Variants in NEDD4L observed in about 807,000 individuals in gnomAD.
NEDD4L encodes E3 ubiquitin-protein ligase NEDD4-like.
Under a neutral mutation model 148.9 loss-of-function variants are expected in NEDD4L, and 54 were observed. The observed-to-expected ratio is 0.36, with a 90% CI of 0.29 to 0.45. NEDD4L has a LOEUF of 0.45. Among genes scored for constraint, NEDD4L ranks in the 20% least tolerant of loss-of-function variants. The pLI is 1.00. For synonymous variants in NEDD4L, 433 were observed against 440.7 expected (o/e 0.98, Z 0.22); for missense variants, 856 against 1,233.8 (o/e 0.69, Z 4.59).
intron 5 of NEDD4L, among the ~76,000 whole-genome samples, chr18:58,294,420 T>C (rs1254530854): frequency 6.6e-6 from 1 of 152,176 alleles, no homozygotes; most frequent in Non-Finnish European, 1.5e-5. Context: ...TTTTATTCTT[T>C]AACCAAGCAG....
chr18:58,274,100 T>C (rs2051493510), intron 5 of NEDD4L, among the ~76,000 whole-genome samples: 1 of 152,014 alleles, frequency 6.6e-6, no homozygotes, highest in Non-Finnish European at 1.5e-5. Context: ...CTAAAGGCCC[T>C]GAAGTGAGCC....
At chr18:58,047,145 G>T (rs551574841) in intron 1 of NEDD4L, 3 of 603,714 alleles carry the variant, frequency 5.0e-6, no homozygotes, top group Non-Finnish European at 6.2e-6. Context: ...CAAACGGCAG[G>T]GTTGTTCTTC....
chr18:58,126,850 C>T (rs1598961642), intron 1 of NEDD4L, among the ~76,000 whole-genome samples: 1 of 152,226 alleles, frequency 6.6e-6, no homozygotes, highest in Admixed American at 6.5e-5. Flanking sequence ...TTGCACCCCC[C>T]AGGAATGTCA....
intron 1 of NEDD4L, among the ~76,000 whole-genome samples, chr18:58,080,799 C>T (rs2083390606): frequency 6.6e-6 from 1 of 152,152 alleles, no homozygotes. Context: ...GGGAGCTGCC[C>T]CAGGACAACT....
At chr18:58,182,790 G>C (rs971001568) in intron 2 of NEDD4L, among the ~76,000 whole-genome samples, 2 of 152,054 alleles carry the variant, frequency 1.3e-5, no homozygotes, top group African/African-American at 4.8e-5. Context: ...CCTGTGCCTT[G>C]GTTTCTCAGA....
chr18:58,184,060 T>G (rs1283430345), intron 2 of NEDD4L, among the ~76,000 whole-genome samples: 1 of 152,086 alleles, frequency 6.6e-6, no homozygotes, highest in Non-Finnish European at 1.5e-5. Flanking sequence ...TCCCAGCTAC[T>G]CAGGAGGCTG....
At chr18:58,245,674 C>CTTTTTTT (rs57282316) in intron 3 of NEDD4L, among the ~76,000 whole-genome samples, 166 bp downstream of exon 3, 52 of 89,258 alleles carry the variant, frequency 5.8e-4, no homozygotes, top group African/African-American at 7.0e-4. Flanking sequence ...CACTTTTTCT[C>CTTTTTTT]TTTTTTTTTT....
chr18:58,096,556 A>G (rs1013989889), intron 1 of NEDD4L, among the ~76,000 whole-genome samples: 2 of 152,072 alleles, frequency 1.3e-5, no homozygotes, highest in African/African-American at 4.8e-5. Flanking sequence ...GGCATGCACC[A>G]CAATGCCTGG....
chr18:58,201,131 G>A (rs879862901), intron 2 of NEDD4L, among the ~76,000 whole-genome samples: 26 of 152,162 alleles, frequency 1.7e-4, no homozygotes, highest in Non-Finnish European at 3.2e-4. Flanking sequence ...TCAGGAGTTC[G>A]AGGCCACCCT....
At chr18:58,285,167 A>G (rs1005688450) in intron 5 of NEDD4L, among the ~76,000 whole-genome samples, 2 of 152,170 alleles carry the variant, frequency 1.3e-5, no homozygotes, top group East Asian at 1.9e-4. Flanking sequence ...TTCCCCTGCT[A>G]CTGCTTGTAA....
At chr18:58,323,484 C>T (rs1174738424) in intron 8 of NEDD4L, 150 bp downstream of exon 8, 2 of 582,472 alleles carry the variant, frequency 3.4e-6, no homozygotes, top group Non-Finnish European at 6.1e-6. Flanking sequence ...GATAGTCTAC[C>T]AGTGCAGTTA....
intron 1 of NEDD4L, among the ~76,000 whole-genome samples, chr18:58,142,259 C>T (rs774911653): frequency 6.6e-5 from 10 of 151,488 alleles, no homozygotes; most frequent in South Asian, 2.1e-4. Context: ...TGTGTTAGCC[C>T]GTACGGTCTC....
At chr18:58,292,465 T>C (rs970744522) in intron 5 of NEDD4L, among the ~76,000 whole-genome samples, 2 of 152,042 alleles carry the variant, frequency 1.3e-5, no homozygotes, top group African/African-American at 4.8e-5. Context: ...ACCCGCCACC[T>C]CACTTCTCAG....
At chr18:58,199,339 AT>A (rs780540676) in intron 2 of NEDD4L, among the ~76,000 whole-genome samples, 13 of 151,818 alleles carry the variant, frequency 8.6e-5, no homozygotes, top group Admixed American at 2.0e-4. Flanking sequence ...ATCTGGGGAC[AT>A]TTTTCATTGT....
At chr18:58,390,902 TCTATA>T (rs1226018398) in intron 29 of NEDD4L, among the ~76,000 whole-genome samples, 160 bp downstream of exon 29, 2 of 152,096 alleles carry the variant, frequency 1.3e-5, no homozygotes, top group African/African-American at 2.4e-5. Flanking sequence ...AGTACTGTTA[TCTATA>T]CTTTATATAG....
At chr18:58,092,588 A>G (rs2084139605) in intron 1 of NEDD4L, among the ~76,000 whole-genome samples, 2 of 151,900 alleles carry the variant, frequency 1.3e-5, no homozygotes, top group Non-Finnish European at 2.9e-5. Flanking sequence ...GTGAATGGAG[A>G]TGAGTAGGAA....
At chr18:58,271,406 C>A (rs75783781) in intron 5 of NEDD4L, among the ~76,000 whole-genome samples, 14,976 of 152,100 alleles carry the variant, frequency 0.098, 947 homozygotes, top group East Asian at 0.27. Context: ...TGAAGGTTTT[C>A]GTGGTTTATT....
chr18:58,252,106 T>G, intron 5 of NEDD4L, 52 bp downstream of exon 5: 1 of 1,149,358 alleles, frequency 8.7e-7, no homozygotes, highest in Non-Finnish European at 1.3e-6. Flanking sequence ...TTAACTGGAT[T>G]TTCAGAGCAG....
chr18:58,272,633 GAA>G (rs112922912), intron 5 of NEDD4L, among the ~76,000 whole-genome samples: 13 of 130,740 alleles, frequency 9.9e-5, no homozygotes, highest in South Asian at 2.5e-4. Context: ...CTGTCTCAAA[GAA>G]AAAAAAAAAA....
Sources: gnomAD v4.1 joint callset for allele counts (sites outside exome capture counted in the v4.1 genomes callset) on GRCh38, gnomAD v4.1.1 for gene constraint, MANE v1.5 for transcripts, NCBI Gene and HGNC (gene_info 2026-07-23, HGNC 2026-07-21) for gene names.